Variants in EPB41L5 observed in about 807,000 individuals in gnomAD.
EPB41L5 encodes band 4.1-like protein 5.
Under a neutral mutation model 106.6 loss-of-function variants are expected in EPB41L5, and 55 were observed. The observed-to-expected ratio is 0.52, with a 90% CI of 0.42 to 0.65. The LOEUF (loss-of-function observed/expected upper bound fraction) is 0.65. Among genes scored for constraint, EPB41L5 ranks in the 30% least tolerant of loss-of-function variants. EPB41L5 has a pLI of 0.00. For synonymous variants in EPB41L5, 297 were observed against 306.7 expected (o/e 0.97, Z 0.33); for missense variants, 871 against 882.1 (o/e 0.99, Z 0.16).
chr2:120,135,753 T>A (rs1159969693), intron 18 of EPB41L5, among the ~76,000 whole-genome samples: 2 of 152,088 alleles, frequency 1.3e-5, no homozygotes, highest in Non-Finnish European at 2.9e-5. Flanking sequence ...TGTTTGAAGA[T>A]ACCCTTCAAA....
intron 10 of EPB41L5, among the ~76,000 whole-genome samples, chr2:120,080,865 G>T (rs1682601421): frequency 6.6e-6 from 1 of 151,680 alleles, no homozygotes; most frequent in African/African-American, 2.4e-5. Flanking sequence ...CAGTGATGAT[G>T]AGCATTTTTT....
intron 2 of EPB41L5, among the ~76,000 whole-genome samples, chr2:120,031,028 C>T (rs1678670241): frequency 6.6e-6 from 1 of 152,110 alleles, no homozygotes; most frequent in South Asian, 2.1e-4. Context: ...AGGCGTCCGC[C>T]ACCACACCCA....
chr2:120,139,379 G>A lies in EPB41L5; in HGVS notation c.1600-3624G>A, dbSNP rs192889112. ...CACAGCAAAGGAAACAATCAACAAA[G>A]TGAAGAGATGACCCACAGAATGGTA... On this transcript the variant is annotated intron_variant, in intron 18 of 24. Transcript: ENST00000263713. 3.4e-3 allele frequency among the ~76,000 whole-genome samples: 515 copies of A among 152,038 alleles called. 3 individuals are homozygous for A. The highest frequency in any genetic ancestry group is 6.8e-3 in the Middle Eastern group (2 of 294).
At chr2:120,089,151 T>G (rs1022686565) in intron 11 of EPB41L5, among the ~76,000 whole-genome samples, 10 of 152,162 alleles carry the variant, frequency 6.6e-5, no homozygotes, top group African/African-American at 2.2e-4. Flanking sequence ...CCATCTTTAC[T>G]GTCTTAATAG....
intron 2 of EPB41L5, among the ~76,000 whole-genome samples, chr2:120,037,505 A>T (rs1410089092): frequency 6.6e-6 from 1 of 152,206 alleles, no homozygotes; most frequent in African/African-American, 2.4e-5. Context: ...TTCAAAAGTT[A>T]CTACGAAACT....
chr2:120,078,720 A>G, intron 10 of EPB41L5, 139 bp downstream of exon 10: 2 of 546,702 alleles, frequency 3.7e-6, no homozygotes, highest in South Asian at 2.2e-5. Context: ...CTGTCACACT[A>G]TTACGCATCA....
At chr2:120,168,791 T>C (rs527779436) in intron 24 of EPB41L5, among the ~76,000 whole-genome samples, 3 of 152,330 alleles carry the variant, frequency 2.0e-5, no homozygotes, top group African/African-American at 4.8e-5. Flanking sequence ...CAAACACTTA[T>C]TGAATGTCTG....
chr2:120,035,641 T>G (rs1678997263), intron 2 of EPB41L5, among the ~76,000 whole-genome samples: 1 of 152,202 alleles, frequency 6.6e-6, no homozygotes, highest in African/African-American at 2.4e-5. Context: ...GAATAGCCAC[T>G]GAATTCTGGC....
At position 120,146,305 on chromosome 2, in the gene EPB41L5, G is replaced by C. The variant is rs755134145; in HGVS notation, c.1793+16G>C. 3.2e-6 allele frequency: 5 copies of C among 1,582,342 alleles called. No individual in the cohort carries two copies. Among genetic ancestry groups the C allele is most frequent in the Non-Finnish European group, 4.3e-6 (5 of 1,154,992 alleles). ...CCACAAACAGGTACAGTTCTGGGTA[G>C]ACTGAATTAAATTGATGTTCTTATC... On this transcript the variant is annotated intron_variant, in intron 20 of 24. Coordinates refer to ENST00000263713, the MANE Select transcript of EPB41L5 (RefSeq NM_020909.4).
intron 3 of EPB41L5, among the ~76,000 whole-genome samples, chr2:120,067,375 T>A (rs1681515369): frequency 1.3e-5 from 2 of 152,182 alleles, no homozygotes; most frequent in South Asian, 4.1e-4. Context: ...GTTTCTGAAA[T>A]TGGATTCCTT....
At chr2:120,154,380 G>T (rs1686814375) in intron 20 of EPB41L5, among the ~76,000 whole-genome samples, 1 of 151,088 alleles carries the variant, frequency 6.6e-6, no homozygotes, top group Non-Finnish European at 1.5e-5. Flanking sequence ...GGTCAGGCTG[G>T]TCTCGAACTC....
intron 16 of EPB41L5, among the ~76,000 whole-genome samples, chr2:120,118,500 G>A (rs1446205741): frequency 6.6e-6 from 1 of 152,028 alleles, no homozygotes. Flanking sequence ...TCTTCCTGAT[G>A]CTTTCCCTCC....
intron 3 of EPB41L5, among the ~76,000 whole-genome samples, chr2:120,058,165 A>G (rs1165408311): frequency 2.6e-5 from 4 of 152,046 alleles, no homozygotes; most frequent in African/African-American, 9.7e-5. Context: ...TATGTTTTGT[A>G]TTTTCCTTCA....
chr2:120,067,057 A>G (rs1457259913), intron 3 of EPB41L5, among the ~76,000 whole-genome samples: 1 of 152,192 alleles, frequency 6.6e-6, no homozygotes, highest in Non-Finnish European at 1.5e-5. Context: ...TTGCCAGCCT[A>G]GATTGAAAGA....
chr2:120,046,403 G>A (rs551237451), intron 3 of EPB41L5, among the ~76,000 whole-genome samples: 112 of 152,116 alleles, frequency 7.4e-4, no homozygotes, highest in African/African-American at 2.7e-3. Flanking sequence ...TTCTCTGATG[G>A]CCAGTGATGA....
intron 20 of EPB41L5, among the ~76,000 whole-genome samples, chr2:120,151,698 C>T (rs1003631535): frequency 6.6e-6 from 1 of 151,184 alleles, no homozygotes; most frequent in Non-Finnish European, 1.5e-5. Context: ...TTCACTGCAG[C>T]CTCTGCCTCC....
intron 17 of EPB41L5, among the ~76,000 whole-genome samples, chr2:120,129,277 A>G (rs1344983010): frequency 1.3e-5 from 2 of 151,982 alleles, no homozygotes; most frequent in Non-Finnish European, 2.9e-5. Flanking sequence ...CAGAGGTTGC[A>G]GTGAGCTGAG....
intron 2 of EPB41L5, among the ~76,000 whole-genome samples, chr2:120,026,980 C>T (rs1427226564): frequency 6.6e-6 from 1 of 152,160 alleles, no homozygotes; most frequent in Non-Finnish European, 1.5e-5. Flanking sequence ...TAAGTCATCA[C>T]AGAAATGCAA....
chr2:120,124,407 A>C (rs1685365845), intron 16 of EPB41L5, among the ~76,000 whole-genome samples: 1 of 152,216 alleles, frequency 6.6e-6, no homozygotes, highest in Non-Finnish European at 1.5e-5. Context: ...AGAAAAGTTG[A>C]ATGAATGGTG....
Sources: allele counts gnomAD v4.1 joint callset (sites outside exome capture counted in the v4.1 genomes callset), GRCh38; gene constraint gnomAD v4.1.1; transcripts MANE v1.5; gene names NCBI Gene and HGNC (gene_info 2026-07-23, HGNC 2026-07-21).